Variants in HOMER2 observed in about 807,000 individuals in gnomAD.
HOMER2 encodes homer protein homolog 2.
Under a neutral mutation model 47.0 loss-of-function variants are expected in HOMER2, and 27 were observed. That is an observed-to-expected ratio of 0.57 (90% CI 0.42 to 0.79). The LOEUF is 0.79. Ranked by LOEUF, HOMER2 falls within the 30% of genes least tolerant of loss-of-function variation. The pLI is 0.00. For synonymous variants in HOMER2, 161 were observed against 163.8 expected (o/e 0.98, Z 0.13); for missense variants, 443 against 435.0 (o/e 1.02, Z -0.16).
intron 1 of HOMER2, among the ~76,000 whole-genome samples, chr15:82,979,825 C>A (rs2030330418): frequency 6.6e-6 from 1 of 152,142 alleles, no homozygotes. Context: ...CCCATTTAGA[C>A]ACATGTTGCA....
At chr15:82,870,085 A>C (rs1200501415) in intron 3 of HOMER2, among the ~76,000 whole-genome samples, 1 of 152,244 alleles carries the variant, frequency 6.6e-6, no homozygotes, top group African/African-American at 2.4e-5. Context: ...ATAGAAAATG[A>C]AACCATTACT....
Position 82,892,782 on chromosome 15 carries a change from T to C in HOMER2, c.65A>G (p.Lys22Arg). The C allele has an allele frequency of 6.2e-7, 1 of 1,607,068 alleles. No individual in the cohort carries two copies. The highest frequency in any genetic ancestry group is 2.2e-5 in the East Asian group (1 of 44,860). Residue 22 changes from lysine to arginine, a missense_variant, in exon 2 of 9, where the codon AAG becomes AGG. Lys to Arg is a conservative substitution (Grantham distance 26). Transcript: ENST00000450735. ...HVFQIDPNTKKNWMPASKQAV... is the reference protein window; with the variant it reads ...HVFQIDPNTKRNWMPASKQAV... ...CTGCTTGCTCGCAGGCATCCAGTTCTTCTTGGTGTTGGGGTCAATCTGGAA... is the reference window on the plus strand; with the variant it reads ...CTGCTTGCTCGCAGGCATCCAGTTCCTCTTGGTGTTGGGGTCAATCTGGAA...
intron 2 of HOMER2, among the ~76,000 whole-genome samples, chr15:82,879,990 AAAG>A (rs1337161418): frequency 6.6e-6 from 1 of 152,342 alleles, no homozygotes; most frequent in African/African-American, 2.4e-5. Flanking sequence ...CATTAAAAAA[AAAG>A]AAGGAAGTTA....
At chr15:82,894,990 G>A (rs1274094741) in intron 1 of HOMER2, among the ~76,000 whole-genome samples, 2 of 152,184 alleles carry the variant, frequency 1.3e-5, no homozygotes, top group Non-Finnish European at 2.9e-5. Flanking sequence ...TTTGCCATTT[G>A]AGCCTCATAT....
chr15:82,859,152 G>C lies in HOMER2; in HGVS notation c.388-17C>G, dbSNP rs372021638. 1.1e-5 allele frequency: 18 copies of C among 1,613,786 alleles called. No homozygotes were observed. In the African/African-American group the frequency reaches 1.6e-4, roughly 14 times the overall value. On this transcript the variant is annotated splice_polypyrimidine_tract_variant and intron_variant, in intron 4 of 8. Coordinates refer to ENST00000450735, the MANE Select transcript of HOMER2 (RefSeq NM_004839.4). ...ACTGGATGCCTGAGTAGAAGATGGG[G>C]TTTCACGCCCAGATTCCTGGCCAAA...
intron 2 of HOMER2, among the ~76,000 whole-genome samples, chr15:82,879,451 C>G (rs189834967): frequency 6.6e-6 from 1 of 152,204 alleles, no homozygotes; most frequent in Admixed American, 6.5e-5. Context: ...GAGCCGTGAT[C>G]GTGCCACTGT....
At chr15:82,908,162 G>A (rs763540015) in intron 1 of HOMER2, among the ~76,000 whole-genome samples, 10 of 151,974 alleles carry the variant, frequency 6.6e-5, no homozygotes, top group Non-Finnish European at 1.2e-4. Context: ...GAATGAAAAT[G>A]TTCTATAAAA....
chr15:82,919,751 GT>G (rs1160969301), intron 1 of HOMER2, among the ~76,000 whole-genome samples: 1 of 152,166 alleles, frequency 6.6e-6, no homozygotes, highest in Admixed American at 6.5e-5. Context: ...AGTTCTTTCT[GT>G]ACAGTTCCAA....
At chr15:82,837,005 C>CA (rs1446979707) in exon 2 of HOMER2, 1 of 152,276 alleles carries the variant, frequency 6.6e-6, no homozygotes, top group Non-Finnish European at 1.5e-5. Context: ...ACATGGGTCT[C>CA]ACTGGGCTAA....
rs572939210 is a variant in HOMER2, at chr15:82,858,947, T to G, written c.494+82A>C. 113 of 1,494,584 alleles carry G rather than the reference T, an allele frequency of 7.6e-5. 1 individual carries two copies. In the African/African-American group the frequency reaches 1.5e-3, roughly 19 times the overall value. 92.6% of individuals were successfully genotyped at this position (1,494,584 alleles called of 1,614,324 possible). A position where few individuals can be genotyped will look rare whatever the true frequency, so the allele number is the denominator to read the frequency against. On this transcript the variant is annotated intron_variant, in intron 5 of 8. Transcript: ENST00000450735. Reference sequence around the variant, plus strand: ...GTCCCAGTTTTCTCTCCCAATTTCCTGAAACCCTGTCCAGCAAGAAAGGCT... The same window carrying G: ...GTCCCAGTTTTCTCTCCCAATTTCCGGAAACCCTGTCCAGCAAGAAAGGCT...
intron 2 of HOMER2, among the ~76,000 whole-genome samples, chr15:82,892,149 A>G (rs1035390044): frequency 1.3e-5 from 2 of 152,224 alleles, no homozygotes; most frequent in African/African-American, 2.4e-5. Context: ...CCTATGCCTA[A>G]TAACACCAAA....
chr15:82,936,457 T>A (rs1475588752), intron 1 of HOMER2, among the ~76,000 whole-genome samples: 1 of 152,260 alleles, frequency 6.6e-6, no homozygotes, highest in African/African-American at 2.4e-5. Context: ...GATTACATGT[T>A]GAAATGATAC....
chr15:82,839,916 A>G lies in HOMER2; in HGVS notation c.*7358T>C, dbSNP rs1473135779. ...AAAACATCCATGATCTCCAAAATGC[A>G]CACAAATTGTACAGGCCATACTCTC... On this transcript the variant is annotated 3_prime_UTR_variant, in exon 2 of 2. Coordinates refer to the HOMER2 transcript ENST00000558090. The G allele has an allele frequency of 1.3e-5, 2 of 152,222 alleles. 1 individual carries two copies. Among genetic ancestry groups the G allele is most frequent in the Non-Finnish European group, 2.9e-5 (2 of 68,038 alleles). The allele number at this position is 152,222 out of a possible 1,614,324, so 9.4% of individuals were successfully genotyped here. A position where few individuals can be genotyped will look rare whatever the true frequency, so the allele number is the denominator to read the frequency against.
rs764422411 is a variant in HOMER2 at position 82,913,203 on chromosome 15, C to T, written c.6-20362G>A. 5.9e-5 allele frequency among the ~76,000 whole-genome samples: 9 copies of T among 152,220 alleles called. No individual in the cohort carries two copies. In the East Asian group the frequency reaches 7.7e-4, roughly 13 times the overall value. ...TATTCACTCCTTGTATGAAGTGCCACGATGGAGTTAAAGCTCAGCATCCCT... is the reference window on the plus strand; with the variant it reads ...TATTCACTCCTTGTATGAAGTGCCATGATGGAGTTAAAGCTCAGCATCCCT... On this transcript the variant is annotated intron_variant, in intron 1 of 8. Transcript: ENST00000450735. The surrounding 1 kb of genome is among the most constrained non-coding windows in gnomAD (Gnocchi z 4.1).
exon 2 of HOMER2, chr15:82,842,448 C>T (rs2051185435): frequency 6.6e-6 from 1 of 150,428 alleles, no homozygotes; most frequent in South Asian, 2.1e-4. Flanking sequence ...GTTCCTATCA[C>T]CACAGCCAGC....
intron 1 of HOMER2, among the ~76,000 whole-genome samples, chr15:82,962,992 C>T (rs2054644305): frequency 6.6e-6 from 1 of 152,092 alleles, no homozygotes; most frequent in Admixed American, 6.5e-5. Context: ...AGAATGAGGC[C>T]TTGCCGGCTG....
chr15:82,895,849 C>T (rs541615627), intron 1 of HOMER2, among the ~76,000 whole-genome samples: 6 of 152,320 alleles, frequency 3.9e-5, no homozygotes, highest in Non-Finnish European at 7.3e-5. Context: ...CCCATCCTAG[C>T]CCCCCTTGAA....
upstream of HOMER2, among the ~76,000 whole-genome samples, chr15:82,956,989 G>A (rs556402758): frequency 2.7e-4 from 41 of 152,226 alleles, no homozygotes; most frequent in Admixed American, 7.2e-4. Context: ...TAAGAAGAGT[G>A]AATGAGAACA....
chr15:82,948,199 G>C (rs977301477), intron 1 of HOMER2, among the ~76,000 whole-genome samples: 10 of 152,044 alleles, frequency 6.6e-5, no homozygotes, highest in African/African-American at 2.4e-4. Flanking sequence ...AGATCATCCT[G>C]GCTAACACGA....
Sources: gnomAD v4.1 joint callset for allele counts (sites outside exome capture counted in the v4.1 genomes callset) on GRCh38, gnomAD v4.1.1 for gene constraint, Gnocchi (gnomAD v3.1) non-coding constraint, MANE v1.5 for transcripts, NCBI Gene and HGNC (gene_info 2026-07-23, HGNC 2026-07-21) for gene names.